Variants in PDE6C observed in about 807,000 individuals in gnomAD.
PDE6C encodes the protein cone cGMP-specific 3',5'-cyclic phosphodiesterase subunit alpha'.
Under a neutral mutation model 113.1 loss-of-function variants are expected in PDE6C, and 75 were observed. The observed-to-expected ratio is 0.66, with a 90% CI of 0.55 to 0.80. The LOEUF is 0.80. Ranked by LOEUF, PDE6C falls within the 30% of genes least tolerant of loss-of-function variation. The probability of loss-of-function intolerance (pLI) is 0.00; values close to 1 mark genes in which losing one functional copy is unlikely to be tolerated. For missense variants in PDE6C, 912 were observed against 1,038.6 expected (o/e 0.88, Z 1.67); for synonymous variants, 375 against 363.7 (o/e 1.03, Z -0.35).
At position 93,635,561 on chromosome 10, in the gene PDE6C, T is replaced by C. The variant is rs914910477; in HGVS notation, c.1334T>C (p.Leu445Pro). The C allele has an allele frequency of 6.2e-7, 1 of 1,613,236 alleles. No homozygotes were observed. The highest frequency in any genetic ancestry group is 1.3e-5 in the African/African-American group (1 of 74,888). ...NTDTYDKMNK[L>P]ENRKDIAQEM... is the part of the protein sequence containing the mutation. ...GACACCTACGATAAGATGAATAAGC[T>C]AGAAAACAGAAAGGACATTGCTCAG... The change falls in exon 10 of 22, where the codon CTA (leucine) becomes CCA (proline). Residue 445 changes from leucine to proline, a missense_variant. By Grantham distance (98) the Leu-to-Pro change is moderately conservative. Transcript: ENST00000371447.
intron 14 of PDE6C, among the ~76,000 whole-genome samples, chr10:93,642,556 T>C (rs1017170993): frequency 2.0e-5 from 3 of 152,056 alleles, no homozygotes; most frequent in African/African-American, 4.8e-5. Context: ...TCTCCAGAAG[T>C]AGTGAAGTGT....
At chr10:93,623,992 G>A (rs2058460600) in intron 4 of PDE6C, among the ~76,000 whole-genome samples, 2 of 151,774 alleles carry the variant, frequency 1.3e-5, no homozygotes, top group Non-Finnish European at 2.9e-5. Context: ...GAGAATTAGA[G>A]ATTTTATATA....
intron 21 of PDE6C, among the ~76,000 whole-genome samples, chr10:93,663,988 G>A (rs1222983601): frequency 6.6e-6 from 1 of 152,140 alleles, no homozygotes; most frequent in Non-Finnish European, 1.5e-5. Context: ...TGCATTTAGT[G>A]AAATTTTAAA....
chr10:93,661,939 G>T, intron 18 of PDE6C, 120 bp from the exon 19 acceptor site: 1 of 747,588 alleles, frequency 1.3e-6, no homozygotes. Context: ...AAGAGCATAC[G>T]GTTTGATAGC....
intron 14 of PDE6C, among the ~76,000 whole-genome samples, chr10:93,643,299 C>T (rs2058568302): frequency 6.6e-6 from 1 of 152,120 alleles, no homozygotes; most frequent in African/African-American, 2.4e-5. Flanking sequence ...ATCATTCCTC[C>T]TCTGTAAACT....
At chr10:93,615,132 A>C (rs1270492375) in intron 1 of PDE6C, among the ~76,000 whole-genome samples, 1 of 152,170 alleles carries the variant, frequency 6.6e-6, no homozygotes, top group African/African-American at 2.4e-5. Context: ...TCTCTACCAA[A>C]AATACAAAAA....
chr10:93,624,580 T>C (rs1184741430), intron 4 of PDE6C, among the ~76,000 whole-genome samples: 1 of 152,196 alleles, frequency 6.6e-6, no homozygotes, highest in African/African-American at 2.4e-5. Flanking sequence ...AAGTTATTTT[T>C]TCAGAGTAAT....
In PDE6C at chr10:93,635,898, T is replaced by A. The variant is rs184335700; in HGVS notation, c.1413+258T>A. 4.9e-3 allele frequency among the ~76,000 whole-genome samples: 740 copies of A among 152,082 alleles called. 5 individuals are homozygous for A. Among genetic ancestry groups the A allele is most frequent in the African/African-American group, 0.017 (699 of 41,456 alleles). Reference sequence around the variant, plus strand: ...TATGGGAGCTATAGCAAGAAAAAAATATATATATTTTAGGAAGGGAAATGT... The same window carrying A: ...TATGGGAGCTATAGCAAGAAAAAAAAATATATATTTTAGGAAGGGAAATGT... On this transcript the variant is annotated intron_variant, in intron 10 of 21. Transcript: ENST00000371447.
At chr10:93,640,592 G>T in intron 13 of PDE6C, 35 bp downstream of exon 13, 1 of 1,342,194 alleles carries the variant, frequency 7.5e-7, no homozygotes, top group Non-Finnish European at 1.1e-6. Flanking sequence ...TTGTAAACCT[G>T]CAGATTTCCC....
chr10:93,624,449 A>G (rs2058462758), intron 4 of PDE6C, among the ~76,000 whole-genome samples: 1 of 152,068 alleles, frequency 6.6e-6, no homozygotes, highest in Non-Finnish European at 1.5e-5. Flanking sequence ...CGTTGGCCAG[A>G]CTGGTCTCGA....
chr10:93,618,226 G>T (rs1304252685), intron 1 of PDE6C, among the ~76,000 whole-genome samples: 12 of 152,150 alleles, frequency 7.9e-5, no homozygotes, highest in Admixed American at 2.6e-4. Context: ...ATTCAGGAAA[G>T]CCTAGAAAAG....
intron 15 of PDE6C, among the ~76,000 whole-genome samples, chr10:93,653,504 C>G (rs1258730872): frequency 6.6e-6 from 1 of 151,936 alleles, no homozygotes; most frequent in African/African-American, 2.4e-5. Flanking sequence ...ATTAGCTGGG[C>G]ATGGTGGTGG....
Position 93,622,639 on chromosome 10 carries a change from G to GTTTTTTTT in PDE6C, c.864+570_864+577dup, listed in dbSNP as rs67350128. Among the ~76,000 whole-genome samples the GTTTTTTTT allele has an allele frequency of 2.5e-4, 29 of 113,992 alleles. 1 individual carries two copies. The highest frequency in any genetic ancestry group is 5.2e-4 in the South Asian group (2 of 3,840). The allele number at this position is 113,992 out of a possible 152,430, so 74.8% of individuals were successfully genotyped here. A position where few individuals can be genotyped will look rare whatever the true frequency, so the allele number is the denominator to read the frequency against. Reference sequence around the variant, plus strand: ...CCTTCCAAACTCCTGGTAGCCACAGGTTTTTTTTTTGTTTTTTTTTTTGTT... The same window carrying GTTTTTTTT: ...CCTTCCAAACTCCTGGTAGCCACAGGTTTTTTTTTTTTTTTTTTGTTTTTTTTTTTGTT... On this transcript the variant is annotated intron_variant, in intron 4 of 21. Transcript: ENST00000371447.
intron 4 of PDE6C, 39 bp from the exon 5 acceptor site, chr10:93,625,536 A>G (rs760390582): frequency 1.0e-5 from 13 of 1,284,302 alleles, no homozygotes; most frequent in Non-Finnish European, 1.4e-5. Flanking sequence ...AGGTCATGGA[A>G]CAGTGTGTTT....
At position 93,634,711 on chromosome 10, in the gene PDE6C, A is replaced by G. The variant is rs771982190; in HGVS notation, c.1120-47A>G. On this transcript the variant is annotated intron_variant, in intron 8 of 21. Coordinates refer to ENST00000371447, the MANE Select transcript of PDE6C (RefSeq NM_006204.4). ...TATCCTGTGAATTTATGATTATTTC[A>G]AACTAAAAAGGCAAAAAAATAACTT... 6.8e-5 allele frequency: 109 copies of G among 1,606,748 alleles called. 1 individual carries two copies. The East Asian group carries it at 2.4e-3, about 35-fold the overall frequency.
chr10:93,631,642 G>A (rs776156481), intron 8 of PDE6C, among the ~76,000 whole-genome samples: 6 of 152,188 alleles, frequency 3.9e-5, no homozygotes, highest in East Asian at 1.9e-4. Flanking sequence ...TCCGCACAGC[G>A]GACTAGGACG....
At chr10:93,619,613 A>G (rs2058435721) in intron 1 of PDE6C, among the ~76,000 whole-genome samples, 1 of 152,074 alleles carries the variant, frequency 6.6e-6, no homozygotes, top group Non-Finnish European at 1.5e-5. Context: ...TTTAGTAGAG[A>G]CAGGGTTTCA....
At chr10:93,664,106 T>C (rs2058679232) in intron 21 of PDE6C, among the ~76,000 whole-genome samples, 1 of 152,224 alleles carries the variant, frequency 6.6e-6, no homozygotes, top group Non-Finnish European at 1.5e-5. Context: ...ATTTATCAGA[T>C]GTCTTCTCTG....
At chr10:93,643,626 A>G (rs141149613) in intron 14 of PDE6C, among the ~76,000 whole-genome samples, 3 of 151,934 alleles carry the variant, frequency 2.0e-5, no homozygotes, top group African/African-American at 7.2e-5. Context: ...CCTGGGCTCA[A>G]GCAATCCTCC....
Sources: gnomAD v4.1 joint callset for allele counts (sites outside exome capture counted in the v4.1 genomes callset) on GRCh38, gnomAD v4.1.1 for gene constraint, MANE v1.5 for transcripts, NCBI Gene and HGNC (gene_info 2026-07-23, HGNC 2026-07-21) for gene names.